The following CUX1 variants were observed in gnomAD, a reference collection of about 807,000 sequenced individuals.
The protein encoded by CUX1 is cut like homeobox 1, also known as protein CASP.
CUX1 carries 31 observed loss-of-function variants against 158.8 expected under a neutral mutation model. That is an observed-to-expected ratio of 0.20 (90% confidence interval 0.15 to 0.26). CUX1 has a LOEUF of 0.26. Ranked by LOEUF, CUX1 falls within the 10% of genes least tolerant of loss-of-function variation. The pLI is 1.00. For missense variants in CUX1, 1,589 were observed against 2,014.6 expected (o/e 0.79, Z 4.04); for synonymous variants, 879 against 862.1 (o/e 1.02, Z -0.34).
At chr7:102,167,130 T>C (rs1554509091) in intron 9 of CUX1, among the ~76,000 whole-genome samples, 1 of 151,920 alleles carries the variant, frequency 6.6e-6, no homozygotes. Context: ...TAGCTGGGCG[T>C]GATGGCGGGC....
intron 9 of CUX1, among the ~76,000 whole-genome samples, chr7:102,164,274 T>C (rs541754229): frequency 5.5e-4 from 84 of 152,366 alleles, no homozygotes; most frequent in Middle Eastern, 3.4e-3. Context: ...CCTCTCGCCT[T>C]GGCCTACCAA....
At chr7:101,962,257 T>G (rs914641314) in intron 2 of CUX1, among the ~76,000 whole-genome samples, 6 of 152,346 alleles carry the variant, frequency 3.9e-5, no homozygotes, top group Non-Finnish European at 8.8e-5. Flanking sequence ...TCATCTTGCC[T>G]TAATCACCGT....
At chr7:102,209,626 G>T (rs1796334399) in intron 20 of CUX1, among the ~76,000 whole-genome samples, 1 of 152,170 alleles carries the variant, frequency 6.6e-6, no homozygotes, top group East Asian at 1.9e-4. Flanking sequence ...AAAGGGGGGT[G>T]TAGTTATAAC....
At chr7:102,055,018 G>A (rs1297200340) in intron 3 of CUX1, among the ~76,000 whole-genome samples, 1 of 151,186 alleles carries the variant, frequency 6.6e-6, no homozygotes, top group Non-Finnish European at 1.5e-5. Flanking sequence ...TACCTTGAAT[G>A]TGTAAATCAA....
At chr7:102,164,350 C>T (rs782204016) in intron 9 of CUX1, among the ~76,000 whole-genome samples, 21 of 152,214 alleles carry the variant, frequency 1.4e-4, no homozygotes, top group African/African-American at 2.9e-4. Flanking sequence ...TTACTACCTA[C>T]GAGGCCTGCT....
At chr7:101,909,633 G>A (rs958395893) in intron 1 of CUX1, among the ~76,000 whole-genome samples, 1 of 152,200 alleles carries the variant, frequency 6.6e-6, no homozygotes, top group East Asian at 1.9e-4. Context: ...TGTGCTGTTT[G>A]ATTAGTTTGA....
chr7:101,864,792 C>G (rs1584805172), intron 1 of CUX1, among the ~76,000 whole-genome samples: 1 of 152,172 alleles, frequency 6.6e-6, no homozygotes, highest in Admixed American at 6.5e-5. Flanking sequence ...CTCAGGTGAT[C>G]CACCTGCCTT....
chr7:101,895,905 T>TG (rs1801437242), intron 1 of CUX1, among the ~76,000 whole-genome samples: 1 of 44,066 alleles, frequency 2.3e-5, no homozygotes, highest in Non-Finnish European at 4.3e-5. Flanking sequence ...TTTTTTTGTT[T>TG]TTGTTTTTTT....
chr7:101,967,246 C>T (rs914868137), intron 2 of CUX1, among the ~76,000 whole-genome samples: 1 of 152,082 alleles, frequency 6.6e-6, no homozygotes, highest in Non-Finnish European at 1.5e-5. Context: ...AACTCCTGAC[C>T]TCAGGCTATC....
At chr7:102,198,121 G>A (rs1554518873) in intron 15 of CUX1, among the ~76,000 whole-genome samples, 2 of 152,146 alleles carry the variant, frequency 1.3e-5, no homozygotes, top group African/African-American at 2.4e-5. Context: ...TTAGCTGGGC[G>A]TGGTGGCGTG....
intron 14 of CUX1, among the ~76,000 whole-genome samples, chr7:102,272,082 C>T (rs1232616953): frequency 1.3e-5 from 2 of 152,224 alleles, no homozygotes; most frequent in Non-Finnish European, 2.9e-5. Context: ...CTGGTGTGAG[C>T]AAGGGCTTAG....
chr7:101,875,712 G>A (rs1373582662), intron 1 of CUX1, among the ~76,000 whole-genome samples: 1 of 152,168 alleles, frequency 6.6e-6, no homozygotes, highest in African/African-American at 2.4e-5. Context: ...TAGGTGCGCC[G>A]CTCTCTGCCC....
At chr7:102,155,737 T>A (rs913632859) in intron 8 of CUX1, among the ~76,000 whole-genome samples, 1 of 152,224 alleles carries the variant, frequency 6.6e-6, no homozygotes, top group Non-Finnish European at 1.5e-5. Context: ...TTAATTTTTT[T>A]AATTACCATT....
Position 102,255,419 on chromosome 7 carries a change from G to A in CUX1, c.*6377G>A, listed in dbSNP as rs576193943. ...AAAAAGACAAAAAAAAAAGGCTGGC[G>A]AGAGAAAGACATTTGGCTATGCATA... On this transcript the variant is annotated 3_prime_UTR_variant, in exon 24 of 24. Coordinates refer to ENST00000292535, the MANE Select transcript of CUX1 (RefSeq NM_181552.4). 83 of 983,882 alleles carry A rather than the reference G, an allele frequency of 8.4e-5. No homozygotes were observed. Among genetic ancestry groups the A allele is most frequent in the South Asian group, 6.6e-4 (14 of 21,240 alleles). 60.9% of individuals were successfully genotyped at this position (983,882 alleles called of 1,614,324 possible).
intron 9 of CUX1, among the ~76,000 whole-genome samples, chr7:102,162,523 T>A (rs1554507493): frequency 6.6e-6 from 1 of 152,150 alleles, no homozygotes; most frequent in South Asian, 2.1e-4. Context: ...GCGATTCTCC[T>A]GCCTCAGCCT....
At chr7:102,268,813 G>T (rs1214621161) in intron 14 of CUX1, among the ~76,000 whole-genome samples, 2 of 152,004 alleles carry the variant, frequency 1.3e-5, no homozygotes, top group Non-Finnish European at 2.9e-5. Flanking sequence ...GAATGGGGGT[G>T]GGGGAGGTGC....
chr7:101,852,983 A>T (rs28632115), intron 1 of CUX1, among the ~76,000 whole-genome samples: 3 of 152,174 alleles, frequency 2.0e-5, no homozygotes, highest in African/African-American at 7.2e-5. Flanking sequence ...TGGCCTCTGC[A>T]TTGAATTCTT....
At chr7:101,825,285 A>G (rs1793129290) in intron 1 of CUX1, among the ~76,000 whole-genome samples, 1 of 152,256 alleles carries the variant, frequency 6.6e-6, no homozygotes, top group African/African-American at 2.4e-5. Context: ...AAACCAGCAT[A>G]GAAACATTCA....
At chr7:102,005,509 T>TA (rs1385796759) in intron 2 of CUX1, among the ~76,000 whole-genome samples, 8 of 152,152 alleles carry the variant, frequency 5.3e-5, no homozygotes, top group African/African-American at 1.9e-4. Flanking sequence ...TTAATTTTTT[T>TA]ATTTTTGCAG....
Sources: allele counts gnomAD v4.1 joint callset (sites outside exome capture counted in the v4.1 genomes callset), GRCh38; gene constraint gnomAD v4.1.1; transcripts MANE v1.5; gene names NCBI Gene and HGNC (gene_info 2026-07-23, HGNC 2026-07-21).